PDZD2: variants seen among roughly 807,000 people sequenced by gnomAD.
The protein encoded by PDZD2 is PDZ domain containing 2, also known as PDZ domain-containing protein 2.
PDZD2 carries 90 observed loss-of-function variants against 220.7 expected under a neutral mutation model. That is an observed-to-expected ratio of 0.41 (90% CI 0.34 to 0.49). PDZD2 has a LOEUF of 0.49. PDZD2 is among the 20% of genes least tolerant of loss of function. The pLI, the probability that PDZD2 is intolerant of heterozygous loss-of-function variation, is 0.28. For missense variants in PDZD2, 3,174 were observed against 3,608.5 expected, an observed-to-expected ratio of 0.88 and a Z score of 3.08; for synonymous variants, 1,375 against 1,450.5, an observed-to-expected ratio of 0.95 and a Z score of 1.18.
rs1561507257 is a variant in PDZD2 at position 31,849,947 on chromosome 5, TACATATATATATATAC to T, written c.476+50241_476+50256del. Among the ~76,000 whole-genome samples, 39 of 25,528 alleles carry T rather than the reference TACATATATATATATAC, an allele frequency of 1.5e-3. 9 individuals are homozygous for T. In the Middle Eastern group the frequency reaches 0.065, roughly 43 times the overall value. 16.7% of individuals were successfully genotyped at this position (25,528 alleles called of 152,430 possible). A position where few individuals can be genotyped will look rare whatever the true frequency, so the allele number is the denominator to read the frequency against. ...ATATATATATACACATATATATATA[TACATATATATATATAC>T]ACATATATATATATACATATATATA... On this transcript the variant is annotated intron_variant, in intron 2 of 24. Transcript: ENST00000438447.
At chr5:31,836,197 T>C (rs1404964903) in intron 2 of PDZD2, among the ~76,000 whole-genome samples, 3 of 151,684 alleles carry the variant, frequency 2.0e-5, no homozygotes, top group Non-Finnish European at 2.9e-5. Flanking sequence ...GTTTCAATGT[T>C]TTCTCTATAA....
intron 2 of PDZD2, among the ~76,000 whole-genome samples, chr5:31,968,218 C>T (rs574366945): frequency 3.9e-5 from 6 of 152,104 alleles, no homozygotes; most frequent in Admixed American, 2.0e-4. Flanking sequence ...ATTAGCCAGG[C>T]GTGGTGGTGC....
At chr5:31,891,685 G>A (rs1574436) in intron 2 of PDZD2, among the ~76,000 whole-genome samples, 57,942 of 151,828 alleles carry the variant, frequency 0.38, 11,471 homozygotes, top group Admixed American at 0.46. Context: ...GAGGCAGGGA[G>A]GTCCAGGGTG....
intron 4 of PDZD2, among the ~76,000 whole-genome samples, chr5:31,997,156 G>A (rs1014467812): frequency 3.3e-5 from 5 of 152,126 alleles, no homozygotes; most frequent in Admixed American, 1.3e-4. Flanking sequence ...GTTGATAAGC[G>A]AGTTGATCAT....
In PDZD2 at chr5:31,643,348, CT is replaced by C. The variant is rs1745017974; in HGVS notation, c.-361+3915del. 2.6e-5 allele frequency among the ~76,000 whole-genome samples: 4 copies of C among 152,294 alleles called. No homozygotes were observed. In the South Asian group the frequency reaches 8.3e-4, roughly 32 times the overall value. ...TTGACAAATCCTTCAAGATTTCTGCCTTTTAATCCATTGGCTTGTTGCAGTG... is the reference window on the plus strand; with the variant it reads ...TTGACAAATCCTTCAAGATTTCTGCCTTTAATCCATTGGCTTGTTGCAGTG... On this transcript the variant is annotated intron_variant, in intron 1 of 24. Coordinates refer to ENST00000438447, the MANE Select transcript of PDZD2 (RefSeq NM_178140.4).
chr5:31,741,846 A>G (rs917033274), intron 1 of PDZD2: 2 of 152,088 alleles, frequency 1.3e-5, no homozygotes, highest in East Asian at 1.9e-4. Flanking sequence ...TCCTTCAAAC[A>G]CATATTCATA....
intron 2 of PDZD2, among the ~76,000 whole-genome samples, chr5:31,878,678 A>G (rs1257324725): frequency 6.8e-6 from 1 of 147,006 alleles, no homozygotes; most frequent in Non-Finnish European, 1.5e-5. Context: ...CTCCTGCCTC[A>G]GCCTCCTGAG....
chr5:31,961,383 A>AAAC (rs1408783757), intron 2 of PDZD2, among the ~76,000 whole-genome samples: 1 of 151,492 alleles, frequency 6.6e-6, no homozygotes, highest in East Asian at 1.9e-4. Flanking sequence ...AAAAAAAAAA[A>AAAC]AATTAGCCAG....
rs149068181 is a variant in PDZD2 at position 31,654,066 on chromosome 5, G to A, written c.-361+14629G>A. ...CCCAAAGTGCTGGGATTACAGGCGT[G>A]GGCCACCGCGCCTGGCCCCAATATA... On this transcript the variant is annotated intron_variant, in intron 1 of 24. Transcript: ENST00000438447. Among the ~76,000 whole-genome samples, 1,215 of 152,260 alleles carry A rather than the reference G, an allele frequency of 8.0e-3. 16 individuals are homozygous for A. Among genetic ancestry groups the A allele is most frequent in the African/African-American group, 0.027 (1,129 of 41,544 alleles).
intron 8 of PDZD2, among the ~76,000 whole-genome samples, chr5:32,051,935 G>T (rs1476678897): frequency 6.6e-6 from 1 of 152,196 alleles, no homozygotes; most frequent in Non-Finnish European, 1.5e-5. Context: ...GTGAACTTGG[G>T]ATGGAGGCAG....
chr5:31,829,536 C>T (rs879278810), intron 2 of PDZD2, among the ~76,000 whole-genome samples: 2 of 151,842 alleles, frequency 1.3e-5, no homozygotes, highest in African/African-American at 2.4e-5. Context: ...TGGCTGGTCT[C>T]AAACTCCTGA....
At chr5:31,689,488 C>T (rs1747034375) in intron 1 of PDZD2, among the ~76,000 whole-genome samples, 1 of 150,882 alleles carries the variant, frequency 6.6e-6, no homozygotes, top group East Asian at 2.0e-4. Flanking sequence ...GCCACCACGC[C>T]CAGCCTGCCC....
intron 1 of PDZD2, among the ~76,000 whole-genome samples, chr5:31,657,636 T>TGGTCAGGAGCCTGTTTTAAC: frequency 6.6e-6 from 1 of 152,182 alleles, no homozygotes; most frequent in Non-Finnish European, 1.5e-5. Flanking sequence ...GCATTTTTTA[T>TGGTCAGGAGCCTGTTTTAAC]GGGATGGTCA....
intron 1 of PDZD2, among the ~76,000 whole-genome samples, chr5:31,699,170 G>A (rs1245605576): frequency 2.0e-5 from 3 of 152,080 alleles, no homozygotes; most frequent in African/African-American, 4.8e-5. Flanking sequence ...AGAAAGACAC[G>A]TACCCAACCC....
At position 31,874,835 on chromosome 5, in the gene PDZD2, G is replaced by T. The variant is rs144557085; in HGVS notation, c.476+75111G>T. ...ATATGTCTGCCACTCAGATTTAATG[G>T]TCATGAATATTTTGTCATATTTGCT... On this transcript the variant is annotated intron_variant, in intron 2 of 24. Transcript: ENST00000438447. Among the ~76,000 whole-genome samples, 368 of 150,948 alleles carry T rather than the reference G, an allele frequency of 2.4e-3. 2 individuals are homozygous for T. The highest frequency in any genetic ancestry group is 8.6e-3 in the African/African-American group (355 of 41,188).
At chr5:31,874,726 A>G (rs896746081) in intron 2 of PDZD2, among the ~76,000 whole-genome samples, 3 of 150,044 alleles carry the variant, frequency 2.0e-5, no homozygotes, top group Admixed American at 6.8e-5. Flanking sequence ...GTGCCACTAC[A>G]CTCCAGTCTG....
chr5:31,826,736 A>T (rs1756248073), intron 2 of PDZD2, among the ~76,000 whole-genome samples: 1 of 152,104 alleles, frequency 6.6e-6, no homozygotes, highest in Non-Finnish European at 1.5e-5. Flanking sequence ...AAATTAAAAC[A>T]TTTATCAGAT....
At chr5:31,810,511 C>T (rs1028596345) in intron 2 of PDZD2, among the ~76,000 whole-genome samples, 1 of 152,182 alleles carries the variant, frequency 6.6e-6, no homozygotes, top group African/African-American at 2.4e-5. Context: ...GTGATCCGCC[C>T]ACCTTGGCCT....
rs753857372 is a variant in PDZD2 at position 32,087,161 on chromosome 5, C to T, written c.3713C>T (p.Ser1238Phe). 20 of 1,612,934 alleles carry T rather than the reference C, an allele frequency of 1.2e-5. No individual in the cohort carries two copies. The highest frequency in any genetic ancestry group is 1.4e-5 in the Non-Finnish European group (17 of 1,179,006). The change falls in exon 20 of 25, where the codon TCC becomes TTC. Residue 1238 changes from serine (S) to phenylalanine (F), a missense_variant. By Grantham distance (155) the Ser-to-Phe change is radical. This residue lies in a region of PDZD2 where 1,861 missense variants were observed against 2,001.0 expected (regional missense o/e 0.93). Transcript: ENST00000438447. This position sits in a 1 kb window ranked among gnomAD's most constrained non-coding sequence, Gnocchi z 4.0. ...ELDSSSDLIS[S>F]PGKKGAAHPD... ...GACAGCTCCTCAGACCTCATCTCTT[C>T]CCCAGGGAAGAAGGGGGCCGCTCAT... is the stretch of plus-strand genomic sequence containing the variant.
Sources: gnomAD v4.1 joint callset for allele counts (sites outside exome capture counted in the v4.1 genomes callset) on GRCh38, gnomAD v4.1.1 for gene constraint, gnomAD v4.1.1 regional missense constraint, Gnocchi (gnomAD v3.1) non-coding constraint, MANE v1.5 for transcripts, NCBI Gene and HGNC (gene_info 2026-07-23, HGNC 2026-07-21) for gene names.